ABCC1: variants seen among roughly 807,000 people sequenced by gnomAD.
ABCC1 encodes the protein multidrug resistance-associated protein 1.
Under a neutral mutation model 172.9 loss-of-function variants are expected in ABCC1, and 83 were observed. That is an observed-to-expected ratio of 0.48 (90% CI 0.40 to 0.58). The LOEUF is 0.58. Ranked by LOEUF, ABCC1 falls within the 20% of genes least tolerant of loss-of-function variation. The pLI is 0.00. For synonymous variants in ABCC1, 937 were observed against 825.2 expected (o/e 1.14, Z -2.32); for missense variants, 1,817 against 2,002.7 (o/e 0.91, Z 1.77).
intron 12 of ABCC1, among the ~76,000 whole-genome samples, chr16:16,066,406 C>T (rs2050115641): frequency 6.6e-6 from 1 of 151,602 alleles, no homozygotes; most frequent in South Asian, 2.1e-4. Flanking sequence ...GTCTGGAACT[C>T]CCGACCTCAA....
intron 7 of ABCC1, among the ~76,000 whole-genome samples, chr16:16,038,561 G>GT (rs1367013001): frequency 6.6e-6 from 1 of 152,082 alleles, no homozygotes; most frequent in Non-Finnish European, 1.5e-5. Context: ...ACCCACATGG[G>GT]GCGAGGATGG....
chr16:16,111,497 C>T lies in ABCC1; in HGVS notation c.2994C>T (p.Leu998=). ...TGGCTTCCAACTATTGGCTCAGCCT[C>T]TGGACTGATGACCCCATCGTCAACG... ...SALASNYWLS[L]WTDDPIVNGT... The change falls in exon 22 of 31, where the codon CTC becomes CTT. Residue 998 remains leucine (L), a synonymous_variant. Coordinates refer to ENST00000399410, the MANE Select transcript of ABCC1 (RefSeq NM_004996.4). The T allele has an allele frequency of 6.2e-7, 1 of 1,614,196 alleles. No individual in the cohort carries two copies. The highest frequency in any genetic ancestry group is 8.5e-7 in the Non-Finnish European group (1 of 1,180,042).
At chr16:16,033,228 T>TGAAC (rs1460917348) in intron 6 of ABCC1, 58 bp downstream of exon 6, 6 of 1,475,814 alleles carry the variant, frequency 4.1e-6, no homozygotes, top group Non-Finnish European at 2.8e-6. Context: ...AATGAATGAA[T>TGAAC]GAACGAATGA....
In ABCC1 at chr16:16,052,877, G is replaced by A. The variant is rs543935328; in HGVS notation, c.1473+61G>A. On this transcript the variant is annotated intron_variant, in intron 11 of 30. Coordinates refer to ENST00000399410, the MANE Select transcript of ABCC1 (RefSeq NM_004996.4). ...CCCTAGGCAGAGGCCTCTCCATGAGGATTTTAGTCCAGTTCCTTCTGCTCT... is the reference window on the plus strand; with the variant it reads ...CCCTAGGCAGAGGCCTCTCCATGAGAATTTTAGTCCAGTTCCTTCTGCTCT... The A allele has an allele frequency of 9.9e-5, 151 of 1,528,562 alleles. 3 individuals carry two copies. In the South Asian group the frequency reaches 1.7e-3, roughly 17 times the overall value. 94.7% of individuals were successfully genotyped at this position (1,528,562 alleles called of 1,614,324 possible).
At chr16:15,977,198 A>G (rs2046514380) in intron 1 of ABCC1, among the ~76,000 whole-genome samples, 1 of 152,182 alleles carries the variant, frequency 6.6e-6, no homozygotes, top group South Asian at 2.1e-4. Flanking sequence ...AGCTATATTC[A>G]AGAAAAGGGT....
intron 5 of ABCC1, among the ~76,000 whole-genome samples, chr16:16,024,624 T>G (rs962310138): frequency 1.3e-5 from 2 of 152,092 alleles, no homozygotes; most frequent in Non-Finnish European, 2.9e-5. Context: ...AATGCTAGGA[T>G]TACAGGGATG....
At chr16:16,117,736 C>T (rs2044956799) in intron 23 of ABCC1, among the ~76,000 whole-genome samples, 1 of 152,112 alleles carries the variant, frequency 6.6e-6, no homozygotes, top group African/African-American at 2.4e-5. Flanking sequence ...TGAAACCCCA[C>T]CTCTACTAAA....
At chr16:16,140,441 C>T (rs1218487540) in intron 30 of ABCC1, among the ~76,000 whole-genome samples, 1 of 152,156 alleles carries the variant, frequency 6.6e-6, no homozygotes, top group Non-Finnish European at 1.5e-5. Context: ...CTCAAGTGAT[C>T]CTCCTGCCTC....
At chr16:15,968,406 A>G (rs146752855) in intron 1 of ABCC1, among the ~76,000 whole-genome samples, 5 of 151,484 alleles carry the variant, frequency 3.3e-5, no homozygotes, top group Admixed American at 6.6e-5. Flanking sequence ...GATCCTAAAG[A>G]TATAGTAATT....
chr16:16,031,473 C>A (rs2048555715), intron 5 of ABCC1, among the ~76,000 whole-genome samples: 1 of 152,160 alleles, frequency 6.6e-6, no homozygotes, highest in Non-Finnish European at 1.5e-5. Flanking sequence ...GAAATGAGTT[C>A]TTTGATAGCT....
intron 27 of ABCC1, among the ~76,000 whole-genome samples, chr16:16,132,192 TTTTG>T (rs2152138315): frequency 6.6e-6 from 1 of 152,184 alleles, no homozygotes; most frequent in South Asian, 2.1e-4. Context: ...TTGGAAGATT[TTTTG>T]TTGTTGTTGT....
At chr16:15,951,869 T>G (rs191727411) in intron 1 of ABCC1, among the ~76,000 whole-genome samples, 3 of 152,258 alleles carry the variant, frequency 2.0e-5, no homozygotes, top group African/African-American at 4.8e-5. Flanking sequence ...TTTGTATTTT[T>G]TATAGAGACA....
chr16:15,966,883 A>G (rs989325220), intron 1 of ABCC1, among the ~76,000 whole-genome samples: 3 of 152,040 alleles, frequency 2.0e-5, no homozygotes, highest in African/African-American at 7.2e-5. Context: ...TGGCATGAAC[A>G]TAGCTCACTG....
intron 20 of ABCC1, among the ~76,000 whole-genome samples, chr16:16,105,009 C>A (rs915821422): frequency 6.6e-6 from 1 of 152,164 alleles, no homozygotes; most frequent in Admixed American, 6.5e-5. Flanking sequence ...CGTTCCTCTC[C>A]CTCCACACCT....
chr16:15,952,716 TAAAAAAAAA>T (rs57105111), intron 1 of ABCC1, among the ~76,000 whole-genome samples: 3 of 40,288 alleles, frequency 7.4e-5, no homozygotes, highest in East Asian at 9.8e-4. Context: ...GTGAGTTCAT[TAAAAAAAAA>T]AAAAAAAAAA....
At chr16:16,108,098 G>T (rs923640105) in intron 21 of ABCC1, among the ~76,000 whole-genome samples, 2 of 152,004 alleles carry the variant, frequency 1.3e-5, no homozygotes, top group African/African-American at 4.8e-5. Context: ...GGAAGCCAGA[G>T]AAGTTACCCC....
rs1381792463 is a variant in ABCC1 at position 16,009,756 on chromosome 16, T to C, written c.226-20T>C. The C allele has an allele frequency of 3.1e-6, 5 of 1,597,352 alleles. No individual in the cohort carries two copies. In the South Asian group the frequency reaches 4.5e-5, roughly 14 times the overall value. On this transcript the variant is annotated intron_variant, in intron 2 of 30. Transcript: ENST00000399410. ...TTCCAGGGCGGTCTGTTGTAGGATA[T>C]GTATGTGCTTCTCTTCCAGGCCTTG...
intron 1 of ABCC1, among the ~76,000 whole-genome samples, chr16:15,990,955 G>A (rs942993531): frequency 4.6e-5 from 7 of 151,724 alleles, no homozygotes; most frequent in Admixed American, 6.6e-5. Context: ...GAGCGACTGC[G>A]CCCGGCCAGG....
chr16:15,990,855 G>T (rs2151629564), intron 1 of ABCC1, among the ~76,000 whole-genome samples: 1 of 149,066 alleles, frequency 6.7e-6, no homozygotes, highest in South Asian at 2.1e-4. Context: ...AGTAGAGATG[G>T]GGTTTCACCG....
Sources: gnomAD v4.1 joint callset for allele counts (sites outside exome capture counted in the v4.1 genomes callset) on GRCh38, gnomAD v4.1.1 for gene constraint, MANE v1.5 for transcripts, NCBI Gene and HGNC (gene_info 2026-07-23, HGNC 2026-07-21) for gene names.